Variants in GRB14 observed in about 807,000 individuals in gnomAD.
GRB14 encodes growth factor receptor-bound protein 14.
Under a neutral mutation model 69.1 loss-of-function variants are expected in GRB14, and 38 were observed. That is an observed-to-expected ratio of 0.55 (90% CI 0.42 to 0.72). The LOEUF (loss-of-function observed/expected upper bound fraction) is 0.72, where lower values mean the gene tolerates loss of function less well. Among genes scored for constraint, GRB14 ranks in the 30% least tolerant of loss-of-function variants. The pLI is 0.00. For synonymous variants in GRB14, 247 were observed against 241.3 expected (o/e 1.02, Z -0.22); for missense variants, 666 against 666.1 (o/e 1.00, Z 0.00).
In GRB14 at chr2:164,621,062, AC is replaced by A. The variant is rs1268527295; in HGVS notation, c.191+56del. On this transcript the variant is annotated intron_variant, in intron 1 of 13. Transcript: ENST00000263915. This position sits in a 1 kb window ranked among gnomAD's most constrained non-coding sequence, Gnocchi z 6.0. ...GCTCACCCCCTAGGACCGCCTCCTC[AC>A]CCCCTCGCCGGCTGCCCAGCCAGGA... 8 of 1,232,976 alleles carry A rather than the reference AC, an allele frequency of 6.5e-6. No individual in the cohort carries two copies. The highest frequency in any genetic ancestry group is 3.2e-5 in the East Asian group (1 of 31,596). The allele number at this position is 1,232,976 out of a possible 1,614,324, so 76.4% of individuals were successfully genotyped here. A position where few individuals can be genotyped will look rare whatever the true frequency, so the allele number is the denominator to read the frequency against.
chr2:164,534,945 T>G (rs1055702641), intron 3 of GRB14, among the ~76,000 whole-genome samples: 1 of 152,196 alleles, frequency 6.6e-6, no homozygotes, highest in East Asian at 1.9e-4. Flanking sequence ...TTATTAAAAC[T>G]TCACAGATAC....
At chr2:164,593,224 C>A (rs1242352115) in intron 2 of GRB14, among the ~76,000 whole-genome samples, 2 of 151,998 alleles carry the variant, frequency 1.3e-5, no homozygotes, top group East Asian at 1.9e-4. Context: ...GTGACACGTG[C>A]TGATAAATAT....
In GRB14 at chr2:164,621,297, G is replaced by C; in HGVS notation, c.13C>G (p.Leu5Val). 7.8e-7 allele frequency: 1 copy of C among 1,287,202 alleles called. No individual in the cohort carries two copies. The highest frequency in any genetic ancestry group is 9.8e-7 in the Non-Finnish European group (1 of 1,016,792). 79.7% of individuals were successfully genotyped at this position (1,287,202 alleles called of 1,614,324 possible). The change falls in exon 1 of 14, where the codon CTG (leucine) becomes GTG (valine). Residue 5 changes from leucine to valine, a missense_variant. Leu to Val is a conservative substitution (Grantham distance 32, BLOSUM62 1). Transcript: ENST00000263915. This position sits in a 1 kb window ranked among gnomAD's most constrained non-coding sequence, Gnocchi z 6.0. Reference protein sequence around the residue: MTTSLQDGQSAASRA... With the variant: MTTSVQDGQSAASRA... Reference sequence around the variant, plus strand: ...CTCGCGGCGCTCTGCCCATCTTGCAGGGAAGTGGTCATTGTCGCCGGCCGG... The same window carrying C: ...CTCGCGGCGCTCTGCCCATCTTGCACGGAAGTGGTCATTGTCGCCGGCCGG...
At chr2:164,496,533 AAC>A (rs1283652008) in intron 12 of GRB14, among the ~76,000 whole-genome samples, 1 of 152,150 alleles carries the variant, frequency 6.6e-6, no homozygotes, top group Non-Finnish European at 1.5e-5. Context: ...TAGGGATGTA[AAC>A]ACACAAAAAA....
intron 12 of GRB14, among the ~76,000 whole-genome samples, chr2:164,494,863 T>C (rs1686851965): frequency 6.6e-6 from 1 of 152,222 alleles, no homozygotes; most frequent in South Asian, 2.1e-4. Context: ...CACATGTAAC[T>C]GTTTTGCCTA....
chr2:164,527,176 AAT>A (rs57531034), intron 3 of GRB14, 41 bp from the exon 4 acceptor site: 7,220 of 248,196 alleles, frequency 0.029, 123 homozygotes, highest in East Asian at 0.073. Flanking sequence ...CAGATAGACA[AAT>A]ATATATATAT....
At chr2:164,528,907 G>A (rs1468715707) in intron 3 of GRB14, among the ~76,000 whole-genome samples, 1 of 152,096 alleles carries the variant, frequency 6.6e-6, no homozygotes, top group Non-Finnish European at 1.5e-5. Flanking sequence ...ACTTCTGGCT[G>A]TTTACTCAAA....
At chr2:164,615,125 G>A (rs1690257579) in intron 2 of GRB14, among the ~76,000 whole-genome samples, 1 of 151,886 alleles carries the variant, frequency 6.6e-6, no homozygotes, top group South Asian at 2.1e-4. Context: ...TGGAAGCATG[G>A]GCAAATCCCT....
At chr2:164,577,589 T>C (rs1396624069) in intron 2 of GRB14, among the ~76,000 whole-genome samples, 2 of 152,224 alleles carry the variant, frequency 1.3e-5, no homozygotes, top group Non-Finnish European at 2.9e-5. Context: ...GTACAGCCAG[T>C]TGAACTGTGA....
At chr2:164,565,725 C>G (rs2105326155) in intron 2 of GRB14, among the ~76,000 whole-genome samples, 1 of 152,262 alleles carries the variant, frequency 6.6e-6, no homozygotes. Flanking sequence ...TTCACCAGAA[C>G]CTTAATTCAC....
intron 2 of GRB14, among the ~76,000 whole-genome samples, chr2:164,602,143 AAAAG>A (rs1442351727): frequency 2.6e-4 from 40 of 151,488 alleles, no homozygotes; most frequent in Non-Finnish European, 5.5e-4. Flanking sequence ...TAAAAAAAAA[AAAAG>A]GAAAGGAGGG....
At chr2:164,605,271 G>T (rs1038702120) in intron 2 of GRB14, among the ~76,000 whole-genome samples, 5 of 152,146 alleles carry the variant, frequency 3.3e-5, no homozygotes, top group African/African-American at 4.8e-5. Flanking sequence ...AGCCAAAGAA[G>T]AGCTAAGATA....
At chr2:164,502,481 C>CT (rs1687081687) in intron 8 of GRB14, 146 bp from the exon 9 acceptor site, 1 of 558,794 alleles carries the variant, frequency 1.8e-6, no homozygotes, top group African/African-American at 1.9e-5. Flanking sequence ...GAAAGATGAA[C>CT]TTTTAGTGCC....
chr2:164,547,617 A>G, intron 3 of GRB14, 43 bp downstream of exon 3: 1 of 1,517,032 alleles, frequency 6.6e-7, no homozygotes, highest in South Asian at 1.3e-5. Flanking sequence ...CTGAACAAGA[A>G]ATAGAAAAGC....
At chr2:164,594,735 G>A (rs1574341995) in intron 2 of GRB14, among the ~76,000 whole-genome samples, 1 of 152,180 alleles carries the variant, frequency 6.6e-6, no homozygotes, top group African/African-American at 2.4e-5. Context: ...TCTATGGCTA[G>A]ACATTTTTTA....
At chr2:164,620,987 G>A (rs1468649542) in intron 1 of GRB14, 132 bp downstream of exon 1, 1 of 703,794 alleles carries the variant, frequency 1.4e-6, no homozygotes. Context: ...CAGCTCAAAG[G>A]GGATTGTCTT....
At chr2:164,602,431 G>A (rs73028098) in intron 2 of GRB14, among the ~76,000 whole-genome samples, 1,721 of 152,214 alleles carry the variant, frequency 0.011, 31 homozygotes, top group African/African-American at 0.039. Flanking sequence ...TTTACATAGG[G>A]ATGGAGACAA....
rs189951867 is a variant in GRB14 at position 164,496,645 on chromosome 2, C to T, written c.1382+363G>A. Among the ~76,000 whole-genome samples the T allele has an allele frequency of 4.6e-5, 7 of 152,190 alleles. No individual in the cohort carries two copies. In the East Asian group the frequency reaches 7.7e-4, roughly 17 times the overall value. The stretch of plus-strand genomic sequence containing the variant: ...ACATAATGTCATAATATAAACCATA[C>T]TTCGAAATCATATGTTCAAATCAAA... On this transcript the variant is annotated intron_variant, in intron 12 of 13. Transcript: ENST00000263915.
At chr2:164,516,216 C>T (rs1687481938) in intron 6 of GRB14, among the ~76,000 whole-genome samples, 1 of 152,048 alleles carries the variant, frequency 6.6e-6, no homozygotes, top group Non-Finnish European at 1.5e-5. Flanking sequence ...GCTCAAAGAA[C>T]ACCTGGGAAA....
Sources: allele counts gnomAD v4.1 joint callset (sites outside exome capture counted in the v4.1 genomes callset), GRCh38; gene constraint gnomAD v4.1.1; non-coding constraint Gnocchi (gnomAD v3.1); transcripts MANE v1.5; gene names NCBI Gene and HGNC (gene_info 2026-07-23, HGNC 2026-07-21).